Variants in GALK2 observed in about 807,000 individuals in gnomAD.
GALK2 encodes the protein N-acetylgalactosamine kinase.
A neutral mutation model predicts 52.4 loss-of-function variants in GALK2; 36 were observed. That is an observed-to-expected ratio of 0.69 (90% confidence interval 0.53 to 0.91). The LOEUF is 0.91. Among genes scored for constraint, GALK2 ranks in the 40% least tolerant of loss-of-function variants. The pLI is 0.00. For missense variants in GALK2, 579 were observed against 559.1 expected, an observed-to-expected ratio of 1.04 and a Z score of -0.36; for synonymous variants, 176 against 199.1, an observed-to-expected ratio of 0.88 and a Z score of 0.98.
chr15:49,364,061 T>A (rs2044706902), intron 3 of GALK2, among the ~76,000 whole-genome samples: 1 of 152,226 alleles, frequency 6.6e-6, no homozygotes, highest in African/African-American at 2.4e-5. Flanking sequence ...ATCAAGAATA[T>A]TGGCCAGATG....
chr15:49,181,903 A>T (rs2086000915), intron 1 of GALK2, among the ~76,000 whole-genome samples: 1 of 151,902 alleles, frequency 6.6e-6, no homozygotes, highest in Non-Finnish European at 1.5e-5. Flanking sequence ...GGTACATGAG[A>T]TATTTTGATA....
intron 5 of GALK2, among the ~76,000 whole-genome samples, chr15:49,277,480 T>C (rs1331966371): frequency 1.4e-5 from 2 of 144,790 alleles, no homozygotes; most frequent in African/African-American, 5.0e-5. Flanking sequence ...TTCTAGTTTC[T>C]TTATATATCA....
intron 5 of GALK2, among the ~76,000 whole-genome samples, chr15:49,258,783 T>C (rs900063968): frequency 5.6e-5 from 6 of 108,082 alleles, no homozygotes; most frequent in Non-Finnish European, 1.1e-4. Context: ...GAAGCATATA[T>C]ATATATATAT....
intron 1 of GALK2, among the ~76,000 whole-genome samples, chr15:49,174,964 C>G (rs1413424712): frequency 6.6e-6 from 1 of 152,112 alleles, no homozygotes; most frequent in Non-Finnish European, 1.5e-5. Context: ...TGAAGGTGTT[C>G]TAACTTCGAG....
intron 1 of GALK2, among the ~76,000 whole-genome samples, chr15:49,176,377 G>C (rs2085458783): frequency 6.6e-6 from 1 of 152,204 alleles, no homozygotes; most frequent in Admixed American, 6.5e-5. Flanking sequence ...CTGCTAATCA[G>C]AGGGTATATT....
chr15:49,194,673 G>A (rs755913325), intron 1 of GALK2, among the ~76,000 whole-genome samples: 32 of 148,788 alleles, frequency 2.2e-4, no homozygotes, highest in Admixed American at 2.0e-3. Context: ...TTGGCTCACC[G>A]CAACCTCTGC....
At chr15:49,331,993 T>C, downstream of GALK2, 1 of 622,104 alleles carries the variant, frequency 1.6e-6, no homozygotes, top group Middle Eastern at 3.9e-4. Flanking sequence ...CCCTTAAAAC[T>C]TCTGAAGTAG....
intron 3 of GALK2, chr15:49,365,632 T>G: frequency 1.8e-6 from 2 of 1,106,138 alleles, no homozygotes; most frequent in Non-Finnish European, 2.8e-6. Context: ...AAAAAATACA[T>G]CATAGAGGAG....
chr15:49,205,970 A>C lies in GALK2; in HGVS notation c.142+4720A>C, dbSNP rs947047174. Among the ~76,000 whole-genome samples the C allele has an allele frequency of 2.0e-5, 3 of 152,082 alleles. 1 individual carries two copies. The highest frequency in any genetic ancestry group is 4.1e-4 in the South Asian group (2 of 4,832). Reference sequence around the variant, plus strand: ...CATGTGGCTAGCCAGTTATCCCCGCACAATTTGTTGAAAAGGGTGTCCTTT... The same window carrying C: ...CATGTGGCTAGCCAGTTATCCCCGCCCAATTTGTTGAAAAGGGTGTCCTTT... On this transcript the variant is annotated intron_variant, in intron 2 of 9. Transcript: ENST00000560031.
chr15:49,316,155 G>A (rs949460539), intron 8 of GALK2, among the ~76,000 whole-genome samples: 2 of 152,128 alleles, frequency 1.3e-5, no homozygotes, highest in Non-Finnish European at 2.9e-5. Context: ...ATAATGTGTG[G>A]AATTTGTTTG....
At chr15:49,348,058 T>C (rs1459549876) in intron 3 of GALK2, among the ~76,000 whole-genome samples, 1 of 142,502 alleles carries the variant, frequency 7.0e-6, no homozygotes, top group Non-Finnish European at 1.5e-5. Flanking sequence ...ACATAAAAAG[T>C]GTTAGTGCTT....
intron 3 of GALK2, among the ~76,000 whole-genome samples, chr15:49,218,226 T>C (rs568324033): frequency 2.9e-4 from 44 of 152,348 alleles, no homozygotes; most frequent in Middle Eastern, 3.4e-3. Flanking sequence ...TGGAACTTAC[T>C]GTAGAAGATC....
chr15:49,213,604 G>A (rs1285223820), intron 2 of GALK2, among the ~76,000 whole-genome samples: 1 of 151,780 alleles, frequency 6.6e-6, no homozygotes, highest in East Asian at 1.9e-4. Context: ...TTATTGATGA[G>A]GTTAGCTTAT....
intron 8 of GALK2, among the ~76,000 whole-genome samples, chr15:49,303,753 C>T (rs1054085647): frequency 6.6e-5 from 10 of 152,148 alleles, no homozygotes; most frequent in African/African-American, 2.4e-4. Context: ...TTGTTTCTGA[C>T]CCTGTAGTTC....
chr15:49,328,793 A>C lies in GALK2; in HGVS notation c.*634A>C. ...CTAAGGATTTTTTTTTTTTTTTGAC[A>C]AAAGGAGGATACAGGAAGAAAATTC... On this transcript the variant is annotated 3_prime_UTR_variant, in exon 10 of 10. Transcript: ENST00000560031. 1 of 1,423,024 alleles carries C rather than the reference A, an allele frequency of 7.0e-7. No individual in the cohort carries two copies. The allele number at this position is 1,423,024 out of a possible 1,614,324, so 88.1% of individuals were successfully genotyped here. A position where few individuals can be genotyped will look rare whatever the true frequency, so the allele number is the denominator to read the frequency against.
chr15:49,174,785 A>G (rs1217868168), intron 1 of GALK2, among the ~76,000 whole-genome samples: 1 of 152,140 alleles, frequency 6.6e-6, no homozygotes, highest in Non-Finnish European at 1.5e-5. Context: ...TAGACATTTT[A>G]TAATTTATGC....
upstream of GALK2, among the ~76,000 whole-genome samples, chr15:49,165,800 C>CTTTT (rs552058665): frequency 9.6e-5 from 13 of 134,722 alleles, no homozygotes; most frequent in African/African-American, 1.6e-4. Flanking sequence ...TAATGTATTT[C>CTTTT]TTTTTTTTTT....
chr15:49,330,331 C>T lies in GALK2; in HGVS notation c.*2172C>T, dbSNP rs1467869825. 6.6e-6 allele frequency: 1 copy of T among 152,186 alleles called. No individual in the cohort carries two copies. The highest frequency in any genetic ancestry group is 1.9e-4 in the East Asian group (1 of 5,198). The allele number at this position is 152,186 out of a possible 1,614,324, so 9.4% of individuals were successfully genotyped here. On this transcript the variant is annotated 3_prime_UTR_variant, in exon 10 of 10. Transcript: ENST00000560031. ...AGCATTTAGATCAGGGGTTATAGCC[C>T]AGCAGCCCATGGGCCACATCTGGTC...
At chr15:49,295,604 T>C (rs2034404241) in intron 8 of GALK2, among the ~76,000 whole-genome samples, 1 of 152,192 alleles carries the variant, frequency 6.6e-6, no homozygotes, top group Admixed American at 6.5e-5. Context: ...TGAGCTCTTC[T>C]AGTCCTGTCT....
Sources: allele counts gnomAD v4.1 joint callset (sites outside exome capture counted in the v4.1 genomes callset), GRCh38; gene constraint gnomAD v4.1.1; transcripts MANE v1.5; gene names NCBI Gene and HGNC (gene_info 2026-07-23, HGNC 2026-07-21).